The following NOX4 variants were observed in gnomAD, a reference collection of about 807,000 sequenced individuals.
The protein encoded by NOX4 is kidney oxidase-1.
NOX4 carries 69 observed loss-of-function variants against 87.6 expected under a neutral mutation model. The ratio of observed to expected loss-of-function variants is 0.79; its 90% CI spans 0.65 to 0.96. The LOEUF is 0.96. Among genes scored for constraint, NOX4 ranks in the 40% least tolerant of loss-of-function variants. NOX4 has a pLI of 0.00. For missense variants in NOX4, 680 were observed against 681.5 expected (o/e 1.00, Z 0.02); for synonymous variants, 275 against 238.2 (o/e 1.15, Z -1.42).
intron 17 of NOX4, among the ~76,000 whole-genome samples, chr11:89,330,316 T>C (rs1461385893): frequency 6.6e-6 from 1 of 152,032 alleles, no homozygotes; most frequent in Non-Finnish European, 1.5e-5. Context: ...GTCACTGCAC[T>C]CTGGCCTGAG....
chr11:89,355,001 G>C lies in NOX4; in HGVS notation c.1178C>G (p.Ser393Cys), dbSNP rs772288710. Residue 393 changes from serine (S) to cysteine (C), a missense_variant, in exon 13 of 18, where the codon TCC becomes TGC. Physicochemically the swap from Ser to Cys is moderately radical, Grantham distance 112. Coordinates refer to ENST00000263317, the MANE Select transcript of NOX4 (RefSeq NM_016931.5). ...AGATTGAATGAAGGGCAGAATTTCG[G>C]AGTCTTGACTAGATGGAGGCAGTAG... ...DLLLPPSSQD[S>C]EILPFIQSRN... 6.2e-7 allele frequency: 1 copy of C among 1,603,574 alleles called. No individual in the cohort carries two copies. Among genetic ancestry groups the C allele is most frequent in the Non-Finnish European group, 8.5e-7 (1 of 1,172,714 alleles).
chr11:89,342,595 A>G (rs1275190521), intron 13 of NOX4, among the ~76,000 whole-genome samples: 2 of 152,158 alleles, frequency 1.3e-5, no homozygotes, highest in African/African-American at 4.8e-5. Flanking sequence ...CATTTTTTCA[A>G]TGGCTAGATC....
At chr11:89,486,257 T>TTTTA (rs1466004054) in intron 2 of NOX4, among the ~76,000 whole-genome samples, 4 of 145,998 alleles carry the variant, frequency 2.7e-5, no homozygotes, top group Non-Finnish European at 4.5e-5. Flanking sequence ...TCTATACCAA[T>TTTTA]TTTATTTATT....
chr11:89,516,745 C>A, the NOX4 span, among the ~76,000 whole-genome samples: 1 of 152,014 alleles, frequency 6.6e-6, no homozygotes, highest in Non-Finnish European at 1.5e-5. Context: ...TCTTTCAATG[C>A]CGGATTTTTC....
chr11:89,466,401 T>C (rs1455546893), intron 2 of NOX4, among the ~76,000 whole-genome samples: 2 of 152,172 alleles, frequency 1.3e-5, no homozygotes, highest in East Asian at 3.8e-4. Context: ...AAAACAAATA[T>C]AACATAATAA....
At chr11:89,432,711 C>T in intron 7 of NOX4, 73 bp downstream of exon 7, 1 of 1,086,806 alleles carries the variant, frequency 9.2e-7, no homozygotes, top group South Asian at 1.3e-5. Flanking sequence ...AATGGTTAAA[C>T]ATTTTGATTA....
chr11:89,565,904 C>A, the NOX4 span, among the ~76,000 whole-genome samples: 21 of 152,102 alleles, frequency 1.4e-4, no homozygotes, highest in Admixed American at 6.5e-5. Context: ...ATTAAGCCAA[C>A]CTTCCACTTC....
chr11:89,539,984 G>A, the NOX4 span, among the ~76,000 whole-genome samples: 1 of 152,106 alleles, frequency 6.6e-6, no homozygotes, highest in Admixed American at 6.6e-5. Flanking sequence ...AATTATGGAA[G>A]CAGACTCAGG....
At chr11:89,465,952 TTAAAC>T (rs1565326946) in intron 2 of NOX4, among the ~76,000 whole-genome samples, 1 of 152,152 alleles carries the variant, frequency 6.6e-6, no homozygotes, top group South Asian at 2.1e-4. Flanking sequence ...TGGGATCTGA[TTAAAC>T]TAAAGAACTT....
chr11:89,402,006 T>C (rs1941885256), intron 9 of NOX4, among the ~76,000 whole-genome samples: 1 of 152,112 alleles, frequency 6.6e-6, no homozygotes, highest in African/African-American at 2.4e-5. Flanking sequence ...TTTTAACTAC[T>C]ATTTTTATTA....
At chr11:89,493,981 C>G (rs918881821), upstream of NOX4, among the ~76,000 whole-genome samples, 2 of 152,060 alleles carry the variant, frequency 1.3e-5, no homozygotes, top group African/African-American at 4.8e-5. Flanking sequence ...TTTTGAACTC[C>G]TGACCTCAGG....
At chr11:89,330,354 A>AATAAAC (rs899886924) in intron 17 of NOX4, among the ~76,000 whole-genome samples, 3 of 152,190 alleles carry the variant, frequency 2.0e-5, no homozygotes, top group South Asian at 4.1e-4. Context: ...GTCTCTAAAA[A>AATAAAC]ATAAACATAA....
intron 2 of NOX4, among the ~76,000 whole-genome samples, chr11:89,463,379 G>A (rs1945553841): frequency 6.6e-6 from 1 of 151,882 alleles, no homozygotes; most frequent in South Asian, 2.1e-4. Flanking sequence ...GTCATCTGTT[G>A]TTGTCTGGTA....
At chr11:89,562,897 T>G in the NOX4 span, among the ~76,000 whole-genome samples, 5 of 152,102 alleles carry the variant, frequency 3.3e-5, no homozygotes, top group Non-Finnish European at 5.9e-5. Context: ...TGGGAGGTAA[T>G]TGGATTATTG....
chr11:89,521,151 T>C, the NOX4 span, among the ~76,000 whole-genome samples: 1 of 152,132 alleles, frequency 6.6e-6, no homozygotes, highest in African/African-American at 2.4e-5. Flanking sequence ...AAACTCTTAA[T>C]ATTGTTTTTC....
chr11:89,567,222 C>T, the NOX4 span, among the ~76,000 whole-genome samples: 1 of 152,178 alleles, frequency 6.6e-6, no homozygotes, highest in Admixed American at 6.5e-5. Flanking sequence ...CCAACAGAGG[C>T]ATTTTGCAGC....
intron 2 of NOX4, among the ~76,000 whole-genome samples, chr11:89,477,147 AAATAATTATACAACTCACCAC>A (rs765875325): frequency 5.3e-5 from 8 of 152,168 alleles, no homozygotes; most frequent in Non-Finnish European, 1.2e-4. Flanking sequence ...ATATATAATG[AAATAATTATACAACTCACCAC>A]AATGGAGAAT....
In NOX4 at chr11:89,421,887, C is replaced by T. The variant is rs1197519140; in HGVS notation, c.629+15G>A. The T allele has an allele frequency of 3.3e-6, 5 of 1,519,970 alleles. No individual in the cohort carries two copies. The highest frequency in any genetic ancestry group is 2.5e-5 in the South Asian group (2 of 80,648). 94.2% of individuals were successfully genotyped at this position (1,519,970 alleles called of 1,614,324 possible). ...GGGCACAAATGGTTTTAAATACATA[C>T]ATTTGTAAACTTACCCTGAAACATG... On this transcript the variant is annotated intron_variant, in intron 8 of 17. Coordinates refer to ENST00000263317, the MANE Select transcript of NOX4 (RefSeq NM_016931.5).
At chr11:89,587,503 C>A in the NOX4 span, among the ~76,000 whole-genome samples, 3 of 151,828 alleles carry the variant, frequency 2.0e-5, no homozygotes, top group Admixed American at 1.3e-4. Context: ...TCCAGATGAA[C>A]GCAATCAGAG....
Sources: allele counts gnomAD v4.1 joint callset (sites outside exome capture counted in the v4.1 genomes callset), GRCh38; gene constraint gnomAD v4.1.1; transcripts MANE v1.5; gene names NCBI Gene and HGNC (gene_info 2026-07-23, HGNC 2026-07-21).